PLB1: variants seen among roughly 807,000 people sequenced by gnomAD.
The protein encoded by PLB1 is phospholipase B1, membrane-associated.
In PLB1, 242 loss-of-function variants were observed where a neutral mutation model predicts 227.4. The observed-to-expected ratio is 1.06, with a 90% CI of 0.96 to 1.18. The LOEUF (loss-of-function observed/expected upper bound fraction) is 1.18. Among genes scored for constraint, PLB1 ranks in the 50% most tolerant of loss-of-function variants. The pLI, the probability that PLB1 is intolerant of heterozygous loss-of-function variation, is 0.00. For missense variants in PLB1, 1,858 were observed against 1,816.3 expected, an observed-to-expected ratio of 1.02 and a Z score of -0.42; for synonymous variants, 757 against 682.2, an observed-to-expected ratio of 1.11 and a Z score of -1.71.
At chr2:28,607,925 G>A (rs1376358181) in intron 43 of PLB1, among the ~76,000 whole-genome samples, 1 of 152,070 alleles carries the variant, frequency 6.6e-6, no homozygotes, top group Non-Finnish European at 1.5e-5. Context: ...TTCAACAAAC[G>A]TGTATTGAGT....
Position 28,623,995 on chromosome 2 carries a change from G to T in PLB1, c.3528-1062G>T, listed in dbSNP as rs149251415. Among the ~76,000 whole-genome samples the T allele has an allele frequency of 3.1e-3, 477 of 152,266 alleles. 3 individuals are homozygous for T. Among genetic ancestry groups the T allele is most frequent in the African/African-American group, 9.2e-3 (383 of 41,550 alleles). On this transcript the variant is annotated intron_variant, in intron 49 of 57. Transcript: ENST00000327757. ...ACCTGTAGTCCCAGCTACTCGGAAG[G>T]CTGAGATGGGAGGATCACTTGAGCT...
intron 18 of PLB1, among the ~76,000 whole-genome samples, chr2:28,564,122 G>C (rs1379589932): frequency 6.6e-6 from 1 of 152,178 alleles, no homozygotes; most frequent in Admixed American, 6.5e-5. Context: ...CATGCCTATA[G>C]TCCCAGCTAC....
chr2:28,569,682 G>T (rs960385881), intron 20 of PLB1, among the ~76,000 whole-genome samples: 7 of 152,114 alleles, frequency 4.6e-5, no homozygotes, highest in Non-Finnish European at 7.4e-5. Context: ...TAGAAAATCT[G>T]AGGCCAGGCG....
intron 38 of PLB1, 113 bp downstream of exon 38, chr2:28,602,077 C>A: frequency 2.0e-6 from 2 of 1,003,000 alleles, no homozygotes; most frequent in South Asian, 1.3e-5. Flanking sequence ...CAGCCAGGGG[C>A]ATGGACTCCT....
chr2:28,598,032 T>G lies in PLB1; in HGVS notation c.2349T>G (p.Asn783Lys). The change falls in exon 34 of 58, where the codon AAT becomes AAG. Residue 783 changes from asparagine to lysine, a missense_variant. Coordinates refer to ENST00000327757, the MANE Select transcript of PLB1 (RefSeq NM_153021.5). ...CAGGAGGGGACGGCTCCCTGGAGAA[T>G]GTGACCACCTTACCTAGTAAGTAAC... ...YSAGGDGSLE[N>K]VTTLPNILRE... is the part of the protein sequence containing the mutation. The G allele has an allele frequency of 6.2e-7, 1 of 1,613,330 alleles. No individual in the cohort carries two copies. Among genetic ancestry groups the G allele is most frequent in the East Asian group, 2.2e-5 (1 of 44,870 alleles).
At chr2:28,511,043 T>C (rs1668197134) in intron 1 of PLB1, among the ~76,000 whole-genome samples, 1 of 152,168 alleles carries the variant, frequency 6.6e-6, no homozygotes, top group African/African-American at 2.4e-5. Flanking sequence ...TATTTTGGTG[T>C]TTAAAGTGAT....
chr2:28,583,633 C>T (rs1454269384), intron 25 of PLB1, among the ~76,000 whole-genome samples: 1 of 152,198 alleles, frequency 6.6e-6, no homozygotes, highest in African/African-American at 2.4e-5. Flanking sequence ...CTGCGATGCA[C>T]TCTCTTTTCT....
At chr2:28,515,628 T>C (rs1284324701) in intron 1 of PLB1, among the ~76,000 whole-genome samples, 2 of 152,156 alleles carry the variant, frequency 1.3e-5, no homozygotes, top group Non-Finnish European at 2.9e-5. Flanking sequence ...TAATAAATTA[T>C]TTTCAGGGTC....
chr2:28,606,671 C>T, intron 43 of PLB1, 104 bp downstream of exon 43: 1 of 1,065,546 alleles, frequency 9.4e-7, no homozygotes. Context: ...CCATCTTGCC[C>T]CCTTACTGAG....
At position 28,563,057 on chromosome 2, in the gene PLB1, G is replaced by T; in HGVS notation, c.1164G>T (p.Pro388=). Residue 388 remains proline (P), a synonymous_variant, in exon 18 of 58, where the codon CCG becomes CCT. Transcript: ENST00000327757. Reference sequence around the variant, plus strand: ...TATTCTTAGTTCATAGGCTGAAGCCGGCTGACATCAACGTAATTGGAGCCC... The same window carrying T: ...TATTCTTAGTTCATAGGCTGAAGCCTGCTGACATCAACGTAATTGGAGCCC... ...TVPTSVHRLK[P]ADINVIGALG... is the part of the protein sequence containing the mutation. 6.2e-7 allele frequency: 1 copy of T among 1,613,826 alleles called. No homozygotes were observed. Among genetic ancestry groups the T allele is most frequent in the Non-Finnish European group, 8.5e-7 (1 of 1,179,792 alleles).
chr2:28,567,990 C>T (rs1416951427), intron 20 of PLB1, among the ~76,000 whole-genome samples: 1 of 152,154 alleles, frequency 6.6e-6, no homozygotes, highest in Middle Eastern at 3.2e-3. Context: ...TATTTAGAAG[C>T]TAACAACTTG....
At chr2:28,600,768 A>C in intron 35 of PLB1, 41 bp from the exon 36 acceptor site, 1 of 1,601,448 alleles carries the variant, frequency 6.2e-7, no homozygotes, top group Non-Finnish European at 8.6e-7. Context: ...AACTATGGGC[A>C]CTGTTCCTCA....
intron 50 of PLB1, among the ~76,000 whole-genome samples, chr2:28,625,998 CTTT>C (rs774136235): frequency 5.8e-5 from 8 of 137,056 alleles, no homozygotes; most frequent in Admixed American, 1.5e-4. Flanking sequence ...TGTTGCTTTT[CTTT>C]TTTTTTTTTT....
chr2:28,574,247 T>G (rs1370210139), intron 21 of PLB1, among the ~76,000 whole-genome samples: 1 of 152,076 alleles, frequency 6.6e-6, no homozygotes, highest in African/African-American at 2.4e-5. Context: ...GTTACATGAG[T>G]AAGTTGTTTA....
intron 21 of PLB1, 125 bp from the exon 22 acceptor site, chr2:28,577,982 T>TC: frequency 1.1e-6 from 1 of 875,204 alleles, no homozygotes; most frequent in South Asian, 1.4e-5. Context: ...CGGCCTTCAG[T>TC]CCATTTTCCT....
chr2:28,632,508 G>A (rs917175979), intron 55 of PLB1, among the ~76,000 whole-genome samples: 8 of 152,110 alleles, frequency 5.3e-5, no homozygotes, highest in African/African-American at 7.2e-5. Flanking sequence ...AGAAAATTCC[G>A]GCCGGGTGCA....
Position 28,613,974 on chromosome 2 carries a change from C to G in PLB1, c.3130-57C>G. Reference sequence around the variant, plus strand: ...GGCAGGATTGTTAGTTTTTCTCCTTCTCAAGCAAACTTCAGTGCTGTCAGA... The same window carrying G: ...GGCAGGATTGTTAGTTTTTCTCCTTGTCAAGCAAACTTCAGTGCTGTCAGA... On this transcript the variant is annotated intron_variant, in intron 43 of 57. Coordinates refer to ENST00000327757, the MANE Select transcript of PLB1 (RefSeq NM_153021.5). The G allele has an allele frequency of 4.2e-6, 6 of 1,436,838 alleles. 1 individual carries two copies. Among genetic ancestry groups the G allele is most frequent in the Non-Finnish European group, 5.9e-6 (6 of 1,019,350 alleles). 89.0% of individuals were successfully genotyped at this position (1,436,838 alleles called of 1,614,324 possible). A position where few individuals can be genotyped will look rare whatever the true frequency, so the allele number is the denominator to read the frequency against.
chr2:28,536,475 C>T (rs1671694889), intron 9 of PLB1, among the ~76,000 whole-genome samples: 1 of 152,226 alleles, frequency 6.6e-6, no homozygotes, highest in Admixed American at 6.5e-5. Context: ...GTAAACGTCT[C>T]TAGCTACAGG....
At chr2:28,586,014 G>A (rs190684167) in intron 26 of PLB1, among the ~76,000 whole-genome samples, 172 bp downstream of exon 26, 121 of 152,260 alleles carry the variant, frequency 7.9e-4, no homozygotes, top group African/African-American at 2.8e-3. Context: ...TACTTGGTTT[G>A]TATGAATTGC....
Sources: gnomAD v4.1 joint callset for allele counts (sites outside exome capture counted in the v4.1 genomes callset) on GRCh38, gnomAD v4.1.1 for gene constraint, MANE v1.5 for transcripts, NCBI Gene and HGNC (gene_info 2026-07-23, HGNC 2026-07-21) for gene names.